The following CAST variants were observed in gnomAD, a reference collection of about 807,000 sequenced individuals.
CAST encodes the protein calpastatin, also known as MIR583 host.
A neutral mutation model predicts 119.6 loss-of-function variants in CAST; 76 were observed. That is an observed-to-expected ratio of 0.64 (90% CI 0.53 to 0.77). The LOEUF (loss-of-function observed/expected upper bound fraction) is 0.77, where lower values mean the gene tolerates loss of function less well. Ranked by LOEUF, CAST falls within the 30% of genes least tolerant of loss-of-function variation. The pLI is 0.00. For synonymous variants in CAST, 319 were observed against 331.6 expected (o/e 0.96, Z 0.41); for missense variants, 953 against 946.5 (o/e 1.01, Z -0.09).
At chr5:96,719,651 A>G (rs996960614) in intron 3 of CAST, among the ~76,000 whole-genome samples, 6 of 152,196 alleles carry the variant, frequency 3.9e-5, no homozygotes, top group African/African-American at 1.4e-4. Context: ...TGATAGCAGC[A>G]CTTTATACTC....
the CAST span, among the ~76,000 whole-genome samples, chr5:96,073,310 GATACA>G: frequency 6.6e-6 from 1 of 152,162 alleles, no homozygotes; most frequent in Non-Finnish European, 1.5e-5. Flanking sequence ...GAGCACTTAG[GATACA>G]GTAGGTGCTC....
chr5:96,741,339 G>T lies in CAST; in HGVS notation c.992G>T (p.Gly331Val), dbSNP rs1762619556. 6.2e-7 allele frequency: 1 copy of T among 1,610,578 alleles called. No homozygotes were observed. The highest frequency in any genetic ancestry group is 8.5e-7 in the Non-Finnish European group (1 of 1,176,906). ...ACCTGTGGGTCGCCTACAGCTGCTGGAAAGAAAACTGAAAAAGAGGTATTG... is the reference window on the plus strand; with the variant it reads ...ACCTGTGGGTCGCCTACAGCTGCTGTAAAGAAAACTGAAAAAGAGGTATTG... ...DFTCGSPTAA[G>V]KKTEKEESTE... Residue 331 changes from glycine to valine, a missense_variant, in exon 14 of 32, where the codon GGA becomes GTA. Transcript: ENST00000675179.
chr5:96,756,666 A>C (rs1766387367), intron 22 of CAST, among the ~76,000 whole-genome samples: 1 of 152,156 alleles, frequency 6.6e-6, no homozygotes, highest in Non-Finnish European at 1.5e-5. Flanking sequence ...AAACCATTGC[A>C]CTTCACATTT....
the CAST span, among the ~76,000 whole-genome samples, chr5:96,091,690 G>C: frequency 6.6e-6 from 1 of 151,742 alleles, no homozygotes; most frequent in Non-Finnish European, 1.5e-5. Flanking sequence ...ATTTTTAGTA[G>C]AGACAGGGTT....
chr5:96,056,816 A>T, the CAST span, among the ~76,000 whole-genome samples: 1 of 152,144 alleles, frequency 6.6e-6, no homozygotes, highest in African/African-American at 2.4e-5. Flanking sequence ...GAAAAATAAG[A>T]TTTTAAAGCA....
At chr5:96,067,795 C>T in the CAST span, among the ~76,000 whole-genome samples, 1 of 152,002 alleles carries the variant, frequency 6.6e-6, no homozygotes, top group Admixed American at 6.6e-5. Context: ...CTCCAAACCA[C>T]TTAACAGCCT....
At chr5:96,348,506 C>T in the CAST span, among the ~76,000 whole-genome samples, 2 of 151,940 alleles carry the variant, frequency 1.3e-5, no homozygotes, top group Admixed American at 1.3e-4. Flanking sequence ...TGGTAAGGGA[C>T]AATCTCCATA....
upstream of CAST, among the ~76,000 whole-genome samples, chr5:96,525,887 C>T (rs1329189876): frequency 6.6e-6 from 1 of 152,212 alleles, no homozygotes; most frequent in Non-Finnish European, 1.5e-5. Flanking sequence ...AGACATTCGT[C>T]AGCTGCTGTT....
chr5:96,423,544 A>G, the CAST span: 1 of 1,248,468 alleles, frequency 8.0e-7, no homozygotes, highest in South Asian at 1.2e-5. Context: ...CTGGAGACCC[A>G]TCTTTCTTTT....
At chr5:96,248,278 G>C in the CAST span, among the ~76,000 whole-genome samples, 2 of 152,216 alleles carry the variant, frequency 1.3e-5, no homozygotes, top group African/African-American at 4.8e-5. Flanking sequence ...AGTGTAAAGA[G>C]AGGGAAATCT....
intron 1 of CAST, among the ~76,000 whole-genome samples, chr5:96,601,018 C>T (rs947343401): frequency 2.6e-5 from 4 of 152,214 alleles, no homozygotes; most frequent in Middle Eastern, 3.4e-3. Context: ...CCTCCCATCT[C>T]CCCCTCCGCT....
At chr5:96,412,228 G>C in the CAST span, 12 of 1,099,720 alleles carry the variant, frequency 1.1e-5, no homozygotes, top group Middle Eastern at 1.8e-3. Context: ...CCACAACAAT[G>C]TTATTCCATG....
the CAST span, among the ~76,000 whole-genome samples, chr5:96,013,871 A>C: frequency 6.6e-6 from 1 of 152,190 alleles, no homozygotes; most frequent in Non-Finnish European, 1.5e-5. Flanking sequence ...GGGTGAGTCA[A>C]TAAGTGAATA....
At chr5:96,451,372 G>A in the CAST span, among the ~76,000 whole-genome samples, 1 of 152,126 alleles carries the variant, frequency 6.6e-6, no homozygotes, top group Non-Finnish European at 1.5e-5. Flanking sequence ...ACACAAACCT[G>A]ACAAAAACAA....
chr5:96,107,863 A>T, the CAST span, among the ~76,000 whole-genome samples: 1 of 152,188 alleles, frequency 6.6e-6, no homozygotes, highest in East Asian at 1.9e-4. Flanking sequence ...AGGTACACCA[A>T]TCAGACGTAG....
At chr5:96,338,161 A>G in the CAST span, among the ~76,000 whole-genome samples, 2 of 152,244 alleles carry the variant, frequency 1.3e-5, no homozygotes, top group African/African-American at 4.8e-5. Context: ...TTCTGTCATC[A>G]TCTTCTGTTA....
intron 2 of CAST, among the ~76,000 whole-genome samples, chr5:96,690,601 A>G (rs757777244): frequency 1.3e-5 from 2 of 152,206 alleles, no homozygotes; most frequent in African/African-American, 2.4e-5. Context: ...AGTGTTTTTT[A>G]GAGCCAGCAT....
the CAST span, among the ~76,000 whole-genome samples, chr5:96,479,389 T>A: frequency 6.6e-6 from 1 of 152,046 alleles, no homozygotes; most frequent in African/African-American, 2.4e-5. Flanking sequence ...AAGTTAGACT[T>A]TGAAATATAC....
the CAST span, among the ~76,000 whole-genome samples, chr5:96,448,422 A>G: frequency 1.7e-3 from 252 of 152,352 alleles, 1 homozygote; most frequent in Non-Finnish European, 2.5e-3. Context: ...TCATTCATTC[A>G]TTCATTCATT....
Sources: gnomAD v4.1 joint callset for allele counts (sites outside exome capture counted in the v4.1 genomes callset) on GRCh38, gnomAD v4.1.1 for gene constraint, MANE v1.5 for transcripts, NCBI Gene and HGNC (gene_info 2026-07-23, HGNC 2026-07-21) for gene names.